PDZD2: variants seen among roughly 807,000 people sequenced by gnomAD.
The protein encoded by PDZD2 is PDZ domain containing 2, also known as PDZ domain-containing protein 2.
Under a neutral mutation model 220.7 loss-of-function variants are expected in PDZD2, and 90 were observed. That is an observed-to-expected ratio of 0.41 (90% CI 0.34 to 0.49). The LOEUF is 0.49. PDZD2 is among the 20% of genes least tolerant of loss of function. PDZD2 has a pLI of 0.28. For missense variants in PDZD2, 3,174 were observed against 3,608.5 expected (o/e 0.88, Z 3.08); for synonymous variants, 1,375 against 1,450.5 (o/e 0.95, Z 1.18).
At chr5:31,752,079 T>TGTTTTGTTTTG (rs1751027261) in intron 1 of PDZD2, among the ~76,000 whole-genome samples, 1 of 124,534 alleles carries the variant, frequency 8.0e-6, no homozygotes, top group Admixed American at 8.6e-5. Flanking sequence ...GTTTGTTTTT[T>TGTTTTGTTTTG]TTTTTTTTTT....
chr5:31,984,700 C>T (rs1750575113), intron 3 of PDZD2, among the ~76,000 whole-genome samples: 2 of 152,088 alleles, frequency 1.3e-5, no homozygotes, highest in Admixed American at 6.5e-5. Flanking sequence ...CCTGTCTCTA[C>T]CAAAAATACA....
chr5:31,988,232 G>A (rs779099753), intron 3 of PDZD2, among the ~76,000 whole-genome samples: 1 of 152,116 alleles, frequency 6.6e-6, no homozygotes, highest in Non-Finnish European at 1.5e-5. Flanking sequence ...TTGCCTTCGT[G>A]GTTGTTACCA....
rs4867093 is a variant in PDZD2 at position 31,928,572 on chromosome 5, T to G, written c.477-54583T>G. On this transcript the variant is annotated intron_variant, in intron 2 of 24. Coordinates refer to ENST00000438447, the MANE Select transcript of PDZD2 (RefSeq NM_178140.4). ...CTCACTGCAACCTCCGCCTCCCAGG[T>G]TCAAGGGGTTCTCCTGCCTCAGCCT... Among the ~76,000 whole-genome samples, 6 of 151,840 alleles carry G rather than the reference T, an allele frequency of 4.0e-5. 1 individual carries two copies. The highest frequency in any genetic ancestry group is 2.0e-4 in the Admixed American group (3 of 15,252).
At chr5:32,041,045 C>T (rs1264805467) in intron 7 of PDZD2, among the ~76,000 whole-genome samples, 1 of 147,552 alleles carries the variant, frequency 6.8e-6, no homozygotes, top group African/African-American at 2.5e-5. Flanking sequence ...CTCTGCCCAG[C>T]AGCCGCCCCG....
chr5:31,811,742 C>A (rs569473405), intron 2 of PDZD2, among the ~76,000 whole-genome samples: 1 of 152,098 alleles, frequency 6.6e-6, no homozygotes, highest in Admixed American at 6.6e-5. Context: ...GTAATCTCAG[C>A]ACTTTTGGAG....
At chr5:31,651,641 TA>T (rs201642573) in intron 1 of PDZD2, among the ~76,000 whole-genome samples, 1 of 151,936 alleles carries the variant, frequency 6.6e-6, no homozygotes, top group African/African-American at 2.4e-5. Flanking sequence ...TTTATTTATT[TA>T]TTTTTTTGAG....
intron 2 of PDZD2, among the ~76,000 whole-genome samples, chr5:31,842,840 GTTTT>G (rs1168178558): frequency 6.6e-6 from 1 of 151,886 alleles, no homozygotes; most frequent in African/African-American, 2.4e-5. Context: ...GAAAGTTTTT[GTTTT>G]TTTACCACCC....
chr5:31,799,296 C>T lies in PDZD2; in HGVS notation c.48C>T (p.Tyr16=), dbSNP rs1754242619. Reference sequence around the variant, plus strand: ...CCGTGCTGCACCTGCCCCTCCTCTACCAGTGGCTGCAGAACAGCCTGCAGG... The same window carrying T: ...CCGTGCTGCACCTGCCCCTCCTCTATCAGTGGCTGCAGAACAGCCTGCAGG... ...DNAVLHLPLL[Y]QWLQNSLQEG... The change falls in exon 2 of 25, where the codon TAC becomes TAT. Residue 16 remains tyrosine, a synonymous_variant. Transcript: ENST00000438447. 3.1e-6 allele frequency: 5 copies of T among 1,613,476 alleles called. No homozygotes were observed. Among genetic ancestry groups the T allele is most frequent in the Middle Eastern group, 1.7e-4 (1 of 6,004 alleles).
chr5:31,913,041 TA>T (rs1329448577), intron 2 of PDZD2, among the ~76,000 whole-genome samples: 3 of 152,176 alleles, frequency 2.0e-5, no homozygotes, highest in African/African-American at 7.2e-5. Flanking sequence ...GATCTGAAAA[TA>T]AAGGAGACTT....
chr5:31,903,644 C>CAAAAAAAAAAAAAAAAAA (rs59822169), intron 2 of PDZD2, among the ~76,000 whole-genome samples: 2 of 99,726 alleles, frequency 2.0e-5, no homozygotes, highest in East Asian at 6.4e-4. Flanking sequence ...GACCCTGTCT[C>CAAAAAAAAAAAAAAAAAA]AAAAAAAAAA....
At chr5:32,036,810 A>T (rs561054090) in intron 6 of PDZD2, among the ~76,000 whole-genome samples, 1 of 152,256 alleles carries the variant, frequency 6.6e-6, no homozygotes, top group Non-Finnish European at 1.5e-5. Context: ...TGCAACTTGC[A>T]TTGTGGGAAA....
intron 2 of PDZD2, among the ~76,000 whole-genome samples, chr5:31,874,214 T>C (rs1187512273): frequency 6.6e-6 from 1 of 152,196 alleles, no homozygotes; most frequent in Non-Finnish European, 1.5e-5. Flanking sequence ...GTTTAAATAT[T>C]AATCACTGCT....
At chr5:31,764,752 G>A (rs917553161) in intron 1 of PDZD2, among the ~76,000 whole-genome samples, 2 of 152,096 alleles carry the variant, frequency 1.3e-5, no homozygotes, top group African/African-American at 4.8e-5. Flanking sequence ...TTCCTGAATC[G>A]CCTTGGCAAG....
chr5:31,868,647 C>T lies in PDZD2; in HGVS notation c.476+68923C>T, dbSNP rs1738454496. Reference sequence around the variant, plus strand: ...GGATGCCCTTAATAAAACTTAACTCCTGGGCCCCTTGTTCTGGGTTTGCTG... The same window carrying T: ...GGATGCCCTTAATAAAACTTAACTCTTGGGCCCCTTGTTCTGGGTTTGCTG... On this transcript the variant is annotated intron_variant, in intron 2 of 24. Coordinates refer to ENST00000438447, the MANE Select transcript of PDZD2 (RefSeq NM_178140.4). Among the ~76,000 whole-genome samples the T allele has an allele frequency of 1.3e-5, 2 of 152,280 alleles. 1 individual carries two copies. The highest frequency in any genetic ancestry group is 4.1e-4 in the South Asian group (2 of 4,826).
intron 1 of PDZD2, among the ~76,000 whole-genome samples, chr5:31,749,573 G>A (rs1476604240): frequency 1.3e-5 from 2 of 152,040 alleles, no homozygotes; most frequent in Non-Finnish European, 2.9e-5. Context: ...ACGGGCGCCC[G>A]CCACCATGCC....
At chr5:31,887,909 C>G (rs1208570096) in intron 2 of PDZD2, among the ~76,000 whole-genome samples, 1 of 152,072 alleles carries the variant, frequency 6.6e-6, no homozygotes, top group Non-Finnish European at 1.5e-5. Flanking sequence ...TGAAAGGCTG[C>G]TTAGCCGAAG....
intron 21 of PDZD2, among the ~76,000 whole-genome samples, chr5:32,096,423 T>G (rs1260133885): frequency 6.6e-6 from 1 of 152,032 alleles, no homozygotes; most frequent in African/African-American, 2.4e-5. Flanking sequence ...GTTCAAGCGA[T>G]TCTCCTGCCT....
At chr5:31,891,717 G>A (rs755041169) in intron 2 of PDZD2, among the ~76,000 whole-genome samples, 2 of 152,106 alleles carry the variant, frequency 1.3e-5, no homozygotes, top group Non-Finnish European at 2.9e-5. Context: ...GCTCACCAAC[G>A]CTGTCAATCC....
intron 14 of PDZD2, 24 bp downstream of exon 14, chr5:32,061,158 A>G: frequency 6.2e-7 from 1 of 1,612,704 alleles, no homozygotes; most frequent in Non-Finnish European, 8.5e-7. Context: ...CCCTCTTCTG[A>G]ACGTGGGAAG....
Sources: gnomAD v4.1 joint callset for allele counts (sites outside exome capture counted in the v4.1 genomes callset) on GRCh38, gnomAD v4.1.1 for gene constraint, MANE v1.5 for transcripts, NCBI Gene and HGNC (gene_info 2026-07-23, HGNC 2026-07-21) for gene names.